MAD1L1: variants seen among roughly 807,000 people sequenced by gnomAD.
MAD1L1 encodes mitotic spindle assembly checkpoint protein MAD1.
Under a neutral mutation model 96.9 loss-of-function variants are expected in MAD1L1, and 95 were observed. That is an observed-to-expected ratio of 0.98 (90% CI 0.83 to 1.16). MAD1L1 has a LOEUF of 1.16. MAD1L1 is among the 50% of genes most tolerant of loss of function. The pLI, the probability that MAD1L1 is intolerant of heterozygous loss-of-function variation, is 0.00. For synonymous variants in MAD1L1, 473 were observed against 396.6 expected (o/e 1.19, Z -2.29); for missense variants, 1,007 against 954.4 (o/e 1.06, Z -0.73).
chr7:1,917,695 A>G (rs1245367246), intron 17 of MAD1L1, among the ~76,000 whole-genome samples: 2 of 152,224 alleles, frequency 1.3e-5, no homozygotes, highest in Admixed American at 1.3e-4. Flanking sequence ...TGGGGACCGT[A>G]GCAAGAGCAA....
At chr7:2,069,580 C>T (rs889657632) in intron 11 of MAD1L1, among the ~76,000 whole-genome samples, 1 of 152,230 alleles carries the variant, frequency 6.6e-6, no homozygotes, top group Non-Finnish European at 1.5e-5. Flanking sequence ...GAGCTCAACT[C>T]CACACACAAT....
intron 14 of MAD1L1, among the ~76,000 whole-genome samples, chr7:1,981,527 TA>T (rs1562581533): frequency 6.6e-6 from 1 of 152,128 alleles, no homozygotes; most frequent in African/African-American, 2.4e-5. Context: ...CCGATGGGTT[TA>T]GGGAGGTAAA....
intron 11 of MAD1L1, among the ~76,000 whole-genome samples, chr7:2,141,065 G>A (rs1789003270): frequency 6.6e-6 from 1 of 152,250 alleles, no homozygotes; most frequent in Non-Finnish European, 1.5e-5. Flanking sequence ...AGCAGGCGGA[G>A]GCACCCCGGA....
chr7:1,908,833 T>C (rs1171466636), intron 17 of MAD1L1, among the ~76,000 whole-genome samples: 2 of 152,134 alleles, frequency 1.3e-5, no homozygotes, highest in East Asian at 1.9e-4. Flanking sequence ...AGCATGCATT[T>C]CTCTCATGAC....
chr7:2,122,061 C>T (rs1788007546), intron 11 of MAD1L1, among the ~76,000 whole-genome samples: 1 of 152,160 alleles, frequency 6.6e-6, no homozygotes, highest in Non-Finnish European at 1.5e-5. Flanking sequence ...GGGAAAAGGC[C>T]TTGAGTTTTA....
chr7:1,828,604 CCACCT>C (rs1782548529), intron 18 of MAD1L1, among the ~76,000 whole-genome samples: 2 of 152,200 alleles, frequency 1.3e-5, no homozygotes, highest in Admixed American at 1.3e-4. Context: ...TGCCCTGCTC[CCACCT>C]CACATTTCCT....
Position 1,816,208 on chromosome 7 carries a change from G to C in MAD1L1, c.2019C>G (p.Ser673=), listed in dbSNP as rs766164168. 1.1e-5 allele frequency: 18 copies of C among 1,612,930 alleles called. No individual in the cohort carries two copies. The South Asian group carries it at 2.0e-4, about 18-fold the overall frequency. ...LIFKATSPSG[S]KMQLLETEFS... ...ACTCTGTCTCCAGTAGCTGCATCTTGGAACCCGAGGGGCTGGTGGCCTGCG... is the reference window on the plus strand; with the variant it reads ...ACTCTGTCTCCAGTAGCTGCATCTTCGAACCCGAGGGGCTGGTGGCCTGCG... The change falls in exon 19 of 19, where the codon TCC becomes TCG. Residue 673 remains serine (S), a synonymous_variant. Transcript: ENST00000265854.
In MAD1L1 at chr7:2,094,321, G is replaced by A. The variant is rs1444701860; in HGVS notation, c.1074-24983C>T. On this transcript the variant is annotated intron_variant, in intron 11 of 18. Coordinates refer to ENST00000265854, the MANE Select transcript of MAD1L1 (RefSeq NM_001013836.2). ...AATCCACAGCTCTCACATCGGGAAC[G>A]GGACACGCACTCACCCACACTCTCG... Among the ~76,000 whole-genome samples, 6 of 152,296 alleles carry A rather than the reference G, an allele frequency of 3.9e-5. No individual in the cohort carries two copies. In the East Asian group the frequency reaches 7.7e-4, roughly 20 times the overall value.
intron 18 of MAD1L1, chr7:1,844,100 C>G (rs1258924547): frequency 6.5e-6 from 1 of 154,494 alleles, no homozygotes; most frequent in Non-Finnish European, 1.5e-5. Flanking sequence ...CCCCACAACT[C>G]CAGGTGTGTC....
chr7:2,030,296 C>T (rs1783166777), intron 12 of MAD1L1, among the ~76,000 whole-genome samples: 1 of 152,208 alleles, frequency 6.6e-6, no homozygotes, highest in South Asian at 2.1e-4. Context: ...CAGAGTCATC[C>T]AAACTCATTA....
chr7:1,920,155 C>G (rs1438525164), intron 17 of MAD1L1, among the ~76,000 whole-genome samples: 1 of 152,188 alleles, frequency 6.6e-6, no homozygotes, highest in Non-Finnish European at 1.5e-5. Context: ...GCTCCTGGGT[C>G]CCCGGCTTGC....
chr7:2,191,754 C>T (rs1266149115), intron 10 of MAD1L1, among the ~76,000 whole-genome samples: 3 of 151,180 alleles, frequency 2.0e-5, no homozygotes, highest in Non-Finnish European at 4.4e-5. Flanking sequence ...AAAATTAAGC[C>T]GGGTGCGGTG....
chr7:2,107,553 TC>T (rs1787165580), intron 11 of MAD1L1: 2 of 152,492 alleles, frequency 1.3e-5, no homozygotes, highest in Non-Finnish European at 1.5e-5. Context: ...CATGCTGTGA[TC>T]CCCGCACTGT....
chr7:1,928,620 C>T (rs1789239348), intron 17 of MAD1L1, among the ~76,000 whole-genome samples: 1 of 152,256 alleles, frequency 6.6e-6, no homozygotes, highest in Admixed American at 6.5e-5. Flanking sequence ...CTCCCACTAA[C>T]TGCCGAACAG....
At chr7:1,885,430 C>A (rs1159701224) in intron 18 of MAD1L1, among the ~76,000 whole-genome samples, 2 of 152,230 alleles carry the variant, frequency 1.3e-5, no homozygotes, top group Non-Finnish European at 2.9e-5. Context: ...CAGTGAGCAC[C>A]AGGCAGAGGC....
At chr7:2,152,044 C>T (rs1222350382) in intron 10 of MAD1L1, among the ~76,000 whole-genome samples, 2 of 152,328 alleles carry the variant, frequency 1.3e-5, no homozygotes, top group Non-Finnish European at 2.9e-5. Context: ...GCACGCTCCT[C>T]CTTGCCTGAG....
At chr7:1,919,966 C>T (rs1022666716) in intron 17 of MAD1L1, among the ~76,000 whole-genome samples, 4 of 152,220 alleles carry the variant, frequency 2.6e-5, no homozygotes, top group East Asian at 3.8e-4. Context: ...CTCCAGTCCA[C>T]CCAACGCTTA....
At chr7:1,914,637 G>A (rs2056479) in intron 17 of MAD1L1, among the ~76,000 whole-genome samples, 67,850 of 151,988 alleles carry the variant, frequency 0.45, 15,330 homozygotes, top group Admixed American at 0.52. Flanking sequence ...TTTTTGAGAC[G>A]AGGTCTCACT....
chr7:1,919,592 C>A (rs1490424750), intron 17 of MAD1L1, among the ~76,000 whole-genome samples: 1 of 152,264 alleles, frequency 6.6e-6, no homozygotes, highest in Non-Finnish European at 1.5e-5. Context: ...GGCCAATGGG[C>A]TCAGGCCACA....
Sources: allele counts gnomAD v4.1 joint callset (sites outside exome capture counted in the v4.1 genomes callset), GRCh38; gene constraint gnomAD v4.1.1; transcripts MANE v1.5; gene names NCBI Gene and HGNC (gene_info 2026-07-23, HGNC 2026-07-21).